Variants in CADPS2 observed in about 807,000 individuals in gnomAD.
CADPS2 encodes the protein calcium dependent secretion activator 2.
CADPS2 carries 93 observed loss-of-function variants against 172.5 expected under a neutral mutation model. The ratio of observed to expected loss-of-function variants is 0.54; its 90% confidence interval spans 0.46 to 0.64. The LOEUF is 0.64. Among genes scored for constraint, CADPS2 ranks in the 30% least tolerant of loss-of-function variants. The probability of loss-of-function intolerance (pLI) is 0.00; values close to 1 mark genes in which losing one functional copy is unlikely to be tolerated. For synonymous variants in CADPS2, 546 were observed against 555.2 expected (o/e 0.98, Z 0.23); for missense variants, 1,420 against 1,565.9 (o/e 0.91, Z 1.57).
intron 1 of CADPS2, among the ~76,000 whole-genome samples, chr7:122,789,952 A>G (rs1794892983): frequency 1.3e-5 from 2 of 152,146 alleles, no homozygotes; most frequent in Non-Finnish European, 2.9e-5. Context: ...AACGAACTAT[A>G]AAGACAGAGT....
chr7:122,525,121 C>A (rs1370266899), intron 8 of CADPS2, among the ~76,000 whole-genome samples: 1 of 148,566 alleles, frequency 6.7e-6, no homozygotes, highest in Admixed American at 6.8e-5. Flanking sequence ...GCATGGACAA[C>A]ACAGTGAGAC....
chr7:122,550,429 T>C (rs1245727284), intron 8 of CADPS2, among the ~76,000 whole-genome samples: 2 of 152,184 alleles, frequency 1.3e-5, no homozygotes, highest in Non-Finnish European at 2.9e-5. Context: ...AGTCTTCTAT[T>C]ATAGTTATAT....
chr7:122,617,238 G>T (rs1349919108), intron 5 of CADPS2, among the ~76,000 whole-genome samples: 4 of 152,052 alleles, frequency 2.6e-5, no homozygotes, highest in African/African-American at 9.7e-5. Flanking sequence ...GTTTTACCCT[G>T]CAGAATCGTC....
intron 25 of CADPS2, among the ~76,000 whole-genome samples, chr7:122,368,848 T>C (rs911661632): frequency 2.0e-5 from 3 of 152,086 alleles, no homozygotes; most frequent in Admixed American, 1.3e-4. Flanking sequence ...ACTTTTGTTC[T>C]AGATTGAGAA....
chr7:122,428,214 G>A (rs879104317), intron 17 of CADPS2, among the ~76,000 whole-genome samples: 3 of 151,994 alleles, frequency 2.0e-5, no homozygotes, highest in Admixed American at 2.0e-4. Flanking sequence ...TTTACATCCT[G>A]TTGACATTTA....
intron 3 of CADPS2, among the ~76,000 whole-genome samples, chr7:122,659,306 G>GCC (rs1465883631): frequency 9.6e-5 from 2 of 20,816 alleles, no homozygotes; most frequent in East Asian, 1.6e-3. Context: ...GGAAATGCTA[G>GCC]ACATAAAAAA....
chr7:122,702,127 A>G, intron 2 of CADPS2: 1 of 1,613,672 alleles, frequency 6.2e-7, no homozygotes, highest in Non-Finnish European at 8.5e-7. Context: ...TCCAGACGCA[A>G]TCTAAGTAAA....
intron 1 of CADPS2, among the ~76,000 whole-genome samples, chr7:122,883,220 G>A (rs1029042166): frequency 3.3e-5 from 5 of 152,118 alleles, no homozygotes; most frequent in African/African-American, 1.2e-4. Context: ...CTCAGTTCTG[G>A]TTCATAGAAA....
At chr7:122,838,411 G>A (rs1355103298) in intron 1 of CADPS2, among the ~76,000 whole-genome samples, 1 of 152,154 alleles carries the variant, frequency 6.6e-6, no homozygotes, top group Non-Finnish European at 1.5e-5. Context: ...TCAACATAGT[G>A]TTGGAAGTTC....
At chr7:122,702,616 T>G in intron 2 of CADPS2, 1 of 1,613,526 alleles carries the variant, frequency 6.2e-7, no homozygotes, top group Non-Finnish European at 8.5e-7. Context: ...CAACCTGAAA[T>G]GTTATATTCA....
chr7:122,323,871 TTTTATATA>T (rs1192641879), intron 29 of CADPS2, among the ~76,000 whole-genome samples: 56 of 117,122 alleles, frequency 4.8e-4, no homozygotes, highest in Non-Finnish European at 5.7e-4. Context: ...CATATGTATA[TTTTATATA>T]TATATATATA....
intron 27 of CADPS2, among the ~76,000 whole-genome samples, chr7:122,352,158 T>C (rs888924568): frequency 3.3e-5 from 5 of 152,184 alleles, no homozygotes; most frequent in African/African-American, 1.2e-4. Context: ...GCTAATACAG[T>C]AGCACCAAAC....
chr7:122,658,104 G>A (rs974451694), intron 3 of CADPS2, among the ~76,000 whole-genome samples: 1 of 152,134 alleles, frequency 6.6e-6, no homozygotes, highest in Non-Finnish European at 1.5e-5. Flanking sequence ...CTTCTCAAAA[G>A]AAGACATTTA....
chr7:122,877,455 A>T (rs1316744548), intron 1 of CADPS2, among the ~76,000 whole-genome samples: 1 of 152,204 alleles, frequency 6.6e-6, no homozygotes, highest in African/African-American at 2.4e-5. Context: ...ACAGGACCAG[A>T]CAAAAGCCAT....
In CADPS2 at chr7:122,448,933, A is replaced by T. The variant is rs1379073350; in HGVS notation, c.2288+2441T>A. ...CGGCTAAGGTGTGAGATAAAGAAAA[A>T]AAAAATAAAAAAATTATGTTATCTT... On this transcript the variant is annotated intron_variant, in intron 15 of 29. Coordinates refer to ENST00000449022, the MANE Select transcript of CADPS2 (RefSeq NM_017954.11). 2.6e-5 allele frequency among the ~76,000 whole-genome samples: 4 copies of T among 152,182 alleles called. No individual in the cohort carries two copies. The East Asian group carries it at 7.7e-4, about 29-fold the overall frequency.
intron 14 of CADPS2, among the ~76,000 whole-genome samples, chr7:122,457,811 G>C (rs1286769811): frequency 6.6e-6 from 1 of 152,064 alleles, no homozygotes; most frequent in African/African-American, 2.4e-5. Context: ...TAATCCCTAG[G>C]CTTTATAATC....
chr7:122,775,875 C>A (rs1413171536), intron 1 of CADPS2, among the ~76,000 whole-genome samples: 1 of 152,092 alleles, frequency 6.6e-6, no homozygotes, highest in Non-Finnish European at 1.5e-5. Context: ...ATCATAAGTT[C>A]TGCTAGTTTC....
At chr7:122,546,044 T>C (rs767890536) in intron 8 of CADPS2, among the ~76,000 whole-genome samples, 31 of 152,208 alleles carry the variant, frequency 2.0e-4, no homozygotes, top group Non-Finnish European at 3.5e-4. Flanking sequence ...GAATTACTAA[T>C]GTACTAACCT....
intron 24 of CADPS2, among the ~76,000 whole-genome samples, chr7:122,383,670 A>G (rs1585469644): frequency 6.6e-6 from 1 of 152,194 alleles, no homozygotes; most frequent in East Asian, 1.9e-4. Context: ...CAGGTCAGAC[A>G]CAGTCCAAAA....
Sources: gnomAD v4.1 joint callset for allele counts (sites outside exome capture counted in the v4.1 genomes callset) on GRCh38, gnomAD v4.1.1 for gene constraint, MANE v1.5 for transcripts, NCBI Gene and HGNC (gene_info 2026-07-23, HGNC 2026-07-21) for gene names.